ZCCHC7: variants seen among roughly 807,000 people sequenced by gnomAD.
ZCCHC7 encodes zinc finger CCHC-type containing 7, also known as zinc finger CCHC domain-containing protein 7.
A neutral mutation model predicts 52.0 loss-of-function variants in ZCCHC7; 35 were observed. That is an observed-to-expected ratio of 0.67 (90% confidence interval 0.51 to 0.89). The LOEUF (loss-of-function observed/expected upper bound fraction) is 0.89. Among genes scored for constraint, ZCCHC7 ranks in the 40% least tolerant of loss-of-function variants. The pLI is 0.00. For synonymous variants in ZCCHC7, 217 were observed against 221.5 expected, an observed-to-expected ratio of 0.98 and a Z score of 0.18; for missense variants, 574 against 649.1, an observed-to-expected ratio of 0.88 and a Z score of 1.26.
At chr9:37,177,079 C>T (rs1199781564) in intron 2 of ZCCHC7, among the ~76,000 whole-genome samples, 2 of 152,130 alleles carry the variant, frequency 1.3e-5, no homozygotes, top group Admixed American at 1.3e-4. Flanking sequence ...TGGTGGCTTA[C>T]GCCTGTAATC....
At chr9:37,286,001 C>T (rs1289678522) in intron 2 of ZCCHC7, among the ~76,000 whole-genome samples, 1 of 152,198 alleles carries the variant, frequency 6.6e-6, no homozygotes, top group Non-Finnish European at 1.5e-5. Flanking sequence ...TACCATCATT[C>T]ATATCCATAT....
chr9:37,297,278 A>T (rs1258047487), intron 2 of ZCCHC7, among the ~76,000 whole-genome samples: 7 of 152,232 alleles, frequency 4.6e-5, no homozygotes, highest in Non-Finnish European at 1.0e-4. Flanking sequence ...AGCATTAGAT[A>T]GCACATATTA....
chr9:37,315,797 C>T (rs1011099117), intron 5 of ZCCHC7, among the ~76,000 whole-genome samples: 1 of 140,326 alleles, frequency 7.1e-6, no homozygotes, highest in Non-Finnish European at 1.5e-5. Flanking sequence ...ACCCTGTCAT[C>T]CCTGGTTTAG....
At chr9:37,257,655 G>A (rs531806694) in intron 2 of ZCCHC7, among the ~76,000 whole-genome samples, 1 of 151,506 alleles carries the variant, frequency 6.6e-6, no homozygotes, top group East Asian at 1.9e-4. Context: ...TAGTATGGGA[G>A]ATACTAATAG....
intron 2 of ZCCHC7, among the ~76,000 whole-genome samples, chr9:37,246,162 C>T (rs373100698): frequency 2.4e-4 from 37 of 152,144 alleles, no homozygotes; most frequent in African/African-American, 8.7e-4. Context: ...TGGTACTGTT[C>T]TTCTGGATAG....
At chr9:37,282,828 C>CG (rs1192433070) in intron 2 of ZCCHC7, among the ~76,000 whole-genome samples, 2 of 123,082 alleles carry the variant, frequency 1.6e-5, no homozygotes, top group Non-Finnish European at 3.4e-5. Flanking sequence ...AAAAAAAAGG[C>CG]GGGGGGAGTG....
chr9:37,292,979 A>C (rs1227337708), intron 2 of ZCCHC7, among the ~76,000 whole-genome samples: 1 of 152,198 alleles, frequency 6.6e-6, no homozygotes, highest in Non-Finnish European at 1.5e-5. Flanking sequence ...GTGGAATTTT[A>C]AGACCTATTC....
chr9:37,325,644 TATAA>T (rs1308133715), intron 5 of ZCCHC7, among the ~76,000 whole-genome samples: 3 of 152,152 alleles, frequency 2.0e-5, no homozygotes, highest in Non-Finnish European at 4.4e-5. Flanking sequence ...GATACATAGA[TATAA>T]ATAAAGATGT....
chr9:37,172,552 G>A (rs1821786751), intron 2 of ZCCHC7, among the ~76,000 whole-genome samples: 1 of 152,160 alleles, frequency 6.6e-6, no homozygotes, highest in South Asian at 2.1e-4. Flanking sequence ...GTCTTGCAGT[G>A]GTTCATAAAG....
At chr9:37,331,992 A>G (rs935444813) in intron 6 of ZCCHC7, among the ~76,000 whole-genome samples, 1 of 151,658 alleles carries the variant, frequency 6.6e-6, no homozygotes, top group Non-Finnish European at 1.5e-5. Context: ...CTAATACATT[A>G]TAAGTTCATT....
chr9:37,245,805 A>T (rs1385086795), intron 2 of ZCCHC7, among the ~76,000 whole-genome samples: 1 of 152,002 alleles, frequency 6.6e-6, no homozygotes, highest in African/African-American at 2.4e-5. Context: ...TGGAAGAGAG[A>T]GAGTGTTGTT....
At chr9:37,316,771 C>G (rs1356300832) in intron 5 of ZCCHC7, among the ~76,000 whole-genome samples, 1 of 152,028 alleles carries the variant, frequency 6.6e-6, no homozygotes, top group Non-Finnish European at 1.5e-5. Context: ...ACTTGATGGT[C>G]TCTCAAGTTT....
chr9:37,269,758 T>G (rs551213933), intron 2 of ZCCHC7, among the ~76,000 whole-genome samples: 82 of 151,960 alleles, frequency 5.4e-4, no homozygotes, highest in African/African-American at 2.0e-3. Context: ...TCAACAGAAC[T>G]TGGTATGGAA....
chr9:37,195,803 A>T (rs996283559), intron 2 of ZCCHC7, among the ~76,000 whole-genome samples: 2 of 152,208 alleles, frequency 1.3e-5, no homozygotes, highest in African/African-American at 4.8e-5. Flanking sequence ...GGAGTAACTT[A>T]TACTAGGTTG....
At chr9:37,325,977 C>T (rs777057200) in intron 5 of ZCCHC7, 4 of 152,214 alleles carry the variant, frequency 2.6e-5, no homozygotes, top group Non-Finnish European at 5.9e-5. Flanking sequence ...GAAAAGGTCA[C>T]ATGGTAGAGT....
Position 37,166,919 on chromosome 9 carries a change from A to C in ZCCHC7, c.610+39977A>C, listed in dbSNP as rs557418722. Among the ~76,000 whole-genome samples, 4 of 152,318 alleles carry C rather than the reference A, an allele frequency of 2.6e-5. No homozygotes were observed. The East Asian group carries it at 7.7e-4, about 29-fold the overall frequency. On this transcript the variant is annotated intron_variant, in intron 2 of 8. Transcript: ENST00000336755. ...TTGTGTTCAAATAAAATACTTTGTA[A>C]AACTTCAATCCTTTTAAGTTTGTTG...
chr9:37,130,732 G>A (rs1359873882), intron 2 of ZCCHC7, among the ~76,000 whole-genome samples: 2 of 151,590 alleles, frequency 1.3e-5, no homozygotes, highest in East Asian at 2.0e-4. Flanking sequence ...TCCTGACCTC[G>A]TGATCCGCCT....
At chr9:37,202,709 T>C (rs1206004186) in intron 2 of ZCCHC7, among the ~76,000 whole-genome samples, 1 of 152,212 alleles carries the variant, frequency 6.6e-6, no homozygotes, top group Non-Finnish European at 1.5e-5. Context: ...CTTGAACTCC[T>C]GGACTCAAGC....
intron 7 of ZCCHC7, among the ~76,000 whole-genome samples, chr9:37,350,622 G>C (rs1821322071): frequency 6.6e-6 from 1 of 152,190 alleles, no homozygotes; most frequent in Non-Finnish European, 1.5e-5. Context: ...CAGCTGAAAA[G>C]GCCAAACTGT....
Sources: gnomAD v4.1 joint callset for allele counts (sites outside exome capture counted in the v4.1 genomes callset) on GRCh38, gnomAD v4.1.1 for gene constraint, MANE v1.5 for transcripts, NCBI Gene and HGNC (gene_info 2026-07-23, HGNC 2026-07-21) for gene names.